Variants in NRXN1 observed in about 807,000 individuals in gnomAD.
The protein encoded by NRXN1 is neurexin-1.
A neutral mutation model predicts 150.9 loss-of-function variants in NRXN1; 39 were observed. That is an observed-to-expected ratio of 0.26 (90% CI 0.20 to 0.34). The LOEUF is 0.34. NRXN1 is among the 10% of genes least tolerant of loss of function. The pLI is 1.00. For missense variants in NRXN1, 1,815 were observed against 1,949.9 expected, an observed-to-expected ratio of 0.93 and a Z score of 1.30; for synonymous variants, 924 against 757.0, an observed-to-expected ratio of 1.22 and a Z score of -3.62.
At chr2:51,024,745 C>A (rs1575264032) in intron 2 of NRXN1, among the ~76,000 whole-genome samples, 1 of 152,144 alleles carries the variant, frequency 6.6e-6, no homozygotes, top group East Asian at 1.9e-4. Context: ...AACATGAAGG[C>A]AGTTAAATGG....
chr2:50,104,745 A>G (rs1048414870), intron 18 of NRXN1, among the ~76,000 whole-genome samples: 2 of 152,014 alleles, frequency 1.3e-5, no homozygotes, highest in Non-Finnish European at 2.9e-5. Context: ...CAAGCAGTCC[A>G]ATTCCAGATT....
At chr2:50,095,021 C>A (rs1700041185) in intron 18 of NRXN1, among the ~76,000 whole-genome samples, 1 of 152,118 alleles carries the variant, frequency 6.6e-6, no homozygotes, top group Non-Finnish European at 1.5e-5. Flanking sequence ...CCCTTTATGT[C>A]TTCTTTCTTC....
chr2:50,313,566 T>C (rs1266171393), intron 17 of NRXN1, among the ~76,000 whole-genome samples: 1 of 152,076 alleles, frequency 6.6e-6, no homozygotes, highest in Non-Finnish European at 1.5e-5. Flanking sequence ...CTGGGGAGGC[T>C]GTAAGCCAAG....
rs576600544 is a variant in NRXN1 at position 50,765,059 on chromosome 2, G to A, written c.833-141444C>T. ...TCAATCTCAGGTTGAGATTTGTAAG[G>A]AAAACCAGATATCAGACCAGCTCCT... On this transcript the variant is annotated intron_variant, in intron 5 of 22. Coordinates refer to ENST00000401669, the MANE Select transcript of NRXN1 (RefSeq NM_001330078.2). Among the ~76,000 whole-genome samples, 289 of 152,082 alleles carry A rather than the reference G, an allele frequency of 1.9e-3. 3 individuals are homozygous for A. Among genetic ancestry groups the A allele is most frequent in the Middle Eastern group, 6.8e-3 (2 of 294 alleles).
intron 9 of NRXN1, among the ~76,000 whole-genome samples, chr2:50,545,831 T>C (rs1053007634): frequency 6.6e-6 from 1 of 152,170 alleles, no homozygotes; most frequent in African/African-American, 2.4e-5. Flanking sequence ...GAGTTCCTGA[T>C]ACAAAATGGC....
At chr2:50,932,036 A>AT (rs1687826052) in intron 2 of NRXN1, among the ~76,000 whole-genome samples, 1 of 151,744 alleles carries the variant, frequency 6.6e-6, no homozygotes, top group Admixed American at 6.6e-5. Context: ...TAATTTTTGC[A>AT]TTTTTTTAGT....
chr2:50,570,436 G>A (rs115847547), intron 8 of NRXN1, among the ~76,000 whole-genome samples: 1,830 of 152,128 alleles, frequency 0.012, 36 homozygotes, highest in African/African-American at 0.041. Context: ...TATAAGTATC[G>A]TAAATCCAAT....
intron 8 of NRXN1, among the ~76,000 whole-genome samples, chr2:50,555,411 C>A (rs1668083627): frequency 6.6e-6 from 1 of 152,032 alleles, no homozygotes; most frequent in South Asian, 2.1e-4. Flanking sequence ...ATAACTGAAT[C>A]AGGTGACTTG....
chr2:50,847,362 A>G (rs1029517591), intron 5 of NRXN1, among the ~76,000 whole-genome samples: 10 of 152,224 alleles, frequency 6.6e-5, no homozygotes, highest in Non-Finnish European at 1.2e-4. Context: ...TCAAGGTCAG[A>G]GGCCAAACAG....
chr2:49,998,933 C>T (rs893509036), intron 21 of NRXN1, among the ~76,000 whole-genome samples: 3 of 152,142 alleles, frequency 2.0e-5, no homozygotes, highest in African/African-American at 7.2e-5. Flanking sequence ...CAACTCCTAG[C>T]CAAACAAAGC....
At chr2:50,720,880 T>C (rs1348700025) in intron 5 of NRXN1, among the ~76,000 whole-genome samples, 1 of 152,144 alleles carries the variant, frequency 6.6e-6, no homozygotes, top group African/African-American at 2.4e-5. Flanking sequence ...GCCAATTAGA[T>C]GAACAGCTTG....
intron 17 of NRXN1, among the ~76,000 whole-genome samples, chr2:50,245,474 G>T (rs766684197): frequency 6.6e-6 from 1 of 151,936 alleles, no homozygotes; most frequent in Non-Finnish European, 1.5e-5. Context: ...AAGTAACTCA[G>T]TAATCAATTT....
At chr2:50,086,832 G>GAA (rs1558848403) in intron 19 of NRXN1, among the ~76,000 whole-genome samples, 23 of 147,872 alleles carry the variant, frequency 1.6e-4, no homozygotes, top group African/African-American at 5.6e-4. Flanking sequence ...GAGAGAGAGA[G>GAA]AGAGAGAGAG....
At chr2:50,680,184 A>G (rs1690170137) in intron 5 of NRXN1, among the ~76,000 whole-genome samples, 1 of 152,078 alleles carries the variant, frequency 6.6e-6, no homozygotes, top group Admixed American at 6.6e-5. Context: ...CATTACATCT[A>G]TTACTTTTTT....
chr2:50,830,088 G>C (rs1671206953), intron 5 of NRXN1, among the ~76,000 whole-genome samples: 1 of 142,386 alleles, frequency 7.0e-6, no homozygotes, highest in Non-Finnish European at 1.5e-5. Flanking sequence ...TCCGTTTATA[G>C]AGTCTGCTAA....
intron 5 of NRXN1, among the ~76,000 whole-genome samples, chr2:50,803,750 T>G (rs991943896): frequency 1.3e-5 from 2 of 152,186 alleles, no homozygotes; most frequent in African/African-American, 4.8e-5. Flanking sequence ...AAGGGATACT[T>G]ACGTTCAAGA....
intron 17 of NRXN1, among the ~76,000 whole-genome samples, chr2:50,320,800 A>G (rs1158228924): frequency 6.6e-6 from 1 of 152,188 alleles, no homozygotes; most frequent in African/African-American, 2.4e-5. Flanking sequence ...GAGAAGTACC[A>G]CAAACACTTT....
chr2:50,821,653 T>C, intron 5 of NRXN1, among the ~76,000 whole-genome samples: 1 of 152,150 alleles, frequency 6.6e-6, no homozygotes, highest in Non-Finnish European at 1.5e-5. Flanking sequence ...GGTTACATGC[T>C]GATAAAATGA....
chr2:50,949,466 A>G (rs960039155), intron 2 of NRXN1, among the ~76,000 whole-genome samples: 1 of 152,072 alleles, frequency 6.6e-6, no homozygotes, highest in Non-Finnish European at 1.5e-5. Context: ...TAAAGTTAAT[A>G]AAATCAAAAT....
Sources: gnomAD v4.1 joint callset for allele counts (sites outside exome capture counted in the v4.1 genomes callset) on GRCh38, gnomAD v4.1.1 for gene constraint, MANE v1.5 for transcripts, NCBI Gene and HGNC (gene_info 2026-07-23, HGNC 2026-07-21) for gene names.